UGGT2: variants seen among roughly 807,000 people sequenced by gnomAD.
The protein encoded by UGGT2 is UDP-glucose glycoprotein glucosyltransferase 2.
UGGT2 carries 180 observed loss-of-function variants against 192.1 expected under a neutral mutation model. The ratio of observed to expected loss-of-function variants is 0.94; its 90% CI spans 0.83 to 1.06. The LOEUF (loss-of-function observed/expected upper bound fraction) is 1.06. UGGT2 is among the 50% of genes least tolerant of loss of function. UGGT2 has a pLI of 0.00. For synonymous variants in UGGT2, 580 were observed against 591.0 expected (o/e 0.98, Z 0.27); for missense variants, 1,849 against 1,795.7 (o/e 1.03, Z -0.54).
At chr13:95,999,404 T>C (rs1285060089) in intron 5 of UGGT2, 97 bp from the exon 6 acceptor site, 3 of 1,085,284 alleles carry the variant, frequency 2.8e-6, no homozygotes, top group Non-Finnish European at 2.8e-6. Flanking sequence ...TAAGGGTAAA[T>C]TACTAATATT....
At position 95,912,343 on chromosome 13, in the gene UGGT2, G is replaced by A. The variant is rs368369290; in HGVS notation, c.2296-9283C>T. On this transcript the variant is annotated intron_variant, in intron 20 of 38. Coordinates refer to ENST00000376747, the MANE Select transcript of UGGT2 (RefSeq NM_020121.4). Reference sequence around the variant, plus strand: ...GATTGTATATTTAGAAAACCCCATCGTCTGAACCCAAAATATCCTTTAGCT... The same window carrying A: ...GATTGTATATTTAGAAAACCCCATCATCTGAACCCAAAATATCCTTTAGCT... Among the ~76,000 whole-genome samples, 149 of 152,244 alleles carry A rather than the reference G, an allele frequency of 9.8e-4. 5 individuals are homozygous for A. In the South Asian group the frequency reaches 0.026, roughly 27 times the overall value.
intron 38 of UGGT2, among the ~76,000 whole-genome samples, chr13:95,806,565 A>T (rs575478714): frequency 6.6e-6 from 1 of 152,236 alleles, no homozygotes; most frequent in South Asian, 2.1e-4. Context: ...CCTAAAATTC[A>T]TATGAAATCT....
intron 1 of UGGT2, among the ~76,000 whole-genome samples, chr13:96,035,127 AC>A (rs1212818347): frequency 6.6e-6 from 1 of 152,352 alleles, no homozygotes; most frequent in East Asian, 1.9e-4. Context: ...AGCAAAAAGA[AC>A]AAAGCTGGAG....
chr13:95,921,941 A>G (rs566108133), intron 20 of UGGT2, among the ~76,000 whole-genome samples: 47 of 152,314 alleles, frequency 3.1e-4, no homozygotes, highest in African/African-American at 1.1e-3. Context: ...TATCCAAAGA[A>G]AAATAAATCA....
intron 36 of UGGT2, among the ~76,000 whole-genome samples, chr13:95,848,786 T>G (rs1888727215): frequency 6.6e-6 from 1 of 152,190 alleles, no homozygotes; most frequent in African/African-American, 2.4e-5. Context: ...AACTTTAAAA[T>G]CAGTAGGTTG....
At chr13:95,981,308 CA>C (rs1261217229) in intron 10 of UGGT2, among the ~76,000 whole-genome samples, 2 of 8,742 alleles carry the variant, frequency 2.3e-4, no homozygotes, top group African/African-American at 3.1e-4. Flanking sequence ...ACTAAAAATA[CA>C]AAAAATTAGC....
chr13:95,901,948 T>C (rs2048116657), intron 21 of UGGT2, among the ~76,000 whole-genome samples: 1 of 152,158 alleles, frequency 6.6e-6, no homozygotes, highest in Admixed American at 6.6e-5. Flanking sequence ...CGTAATTTCC[T>C]TTTAACCAAG....
chr13:95,935,030 T>C lies in UGGT2; in HGVS notation c.1977+1894A>G, dbSNP rs75588111. Among the ~76,000 whole-genome samples the C allele has an allele frequency of 5.3e-5, 8 of 152,276 alleles. No homozygotes were observed. In the East Asian group the frequency reaches 1.2e-3, roughly 22 times the overall value. Reference sequence around the variant, plus strand: ...TCTATTGTTGGTTTCAAGTTTGTTTTATCTAAGAATAGCAACTCCTGGTTT... The same window carrying C: ...TCTATTGTTGGTTTCAAGTTTGTTTCATCTAAGAATAGCAACTCCTGGTTT... On this transcript the variant is annotated intron_variant, in intron 17 of 38. Transcript: ENST00000376747.
At chr13:95,897,690 A>G (rs946158570) in intron 22 of UGGT2, among the ~76,000 whole-genome samples, 7 of 152,212 alleles carry the variant, frequency 4.6e-5, no homozygotes, top group African/African-American at 1.2e-4. Context: ...CAGAGTGATA[A>G]GCTAAGTATT....
chr13:95,970,806 A>T (rs1441792429), intron 11 of UGGT2, among the ~76,000 whole-genome samples: 1 of 152,206 alleles, frequency 6.6e-6, no homozygotes, highest in African/African-American at 2.4e-5. Flanking sequence ...AAATTGGGGA[A>T]TCTAAATGTT....
At chr13:95,810,666 A>G (rs561105408) in intron 38 of UGGT2, among the ~76,000 whole-genome samples, 2 of 152,194 alleles carry the variant, frequency 1.3e-5, no homozygotes, top group Non-Finnish European at 2.9e-5. Flanking sequence ...AAATCTACAG[A>G]TAGGTGGACC....
At chr13:95,848,207 T>C (rs997530942) in intron 36 of UGGT2, among the ~76,000 whole-genome samples, 2 of 152,222 alleles carry the variant, frequency 1.3e-5, no homozygotes, top group Non-Finnish European at 2.9e-5. Context: ...ATAACACTCC[T>C]TTATCAGATG....
At chr13:95,823,356 C>A (rs1008604029) in intron 38 of UGGT2, among the ~76,000 whole-genome samples, 2 of 152,166 alleles carry the variant, frequency 1.3e-5, no homozygotes, top group South Asian at 4.1e-4. Context: ...TTAGTGCTGT[C>A]AGTGGAGTAC....
chr13:95,936,338 C>T (rs1484788106), intron 17 of UGGT2, among the ~76,000 whole-genome samples: 2 of 152,188 alleles, frequency 1.3e-5, no homozygotes, highest in Non-Finnish European at 2.9e-5. Flanking sequence ...TAGTAGATAG[C>T]CCTTATGAGT....
intron 12 of UGGT2, among the ~76,000 whole-genome samples, chr13:95,962,962 A>G (rs1325888588): frequency 2.0e-5 from 3 of 152,100 alleles, no homozygotes; most frequent in Admixed American, 6.6e-5. Context: ...TGCTCAGGGA[A>G]ACTCTCCCTT....
rs568187781 is a variant in UGGT2, at chr13:96,041,615, C to T, written c.159-9644G>A. Among the ~76,000 whole-genome samples, 3 of 152,124 alleles carry T rather than the reference C, an allele frequency of 2.0e-5. 1 individual carries two copies. The highest frequency in any genetic ancestry group is 7.2e-5 in the African/African-American group (3 of 41,496). On this transcript the variant is annotated intron_variant, in intron 1 of 38. Transcript: ENST00000376747. ...CCTGGGGCAAGTTCTCAGCCCTGCT[C>T]GCCCACCACCTAAGTTCTCAGCCCT...
intron 1 of UGGT2, among the ~76,000 whole-genome samples, chr13:96,051,242 A>G (rs552082078): frequency 9.2e-5 from 14 of 152,310 alleles, no homozygotes; most frequent in African/African-American, 3.1e-4. Flanking sequence ...ATAGAAAACC[A>G]AACACCTCAT....
chr13:95,912,870 G>A (rs1445795484), intron 20 of UGGT2, among the ~76,000 whole-genome samples: 1 of 152,168 alleles, frequency 6.6e-6, no homozygotes, highest in Non-Finnish European at 1.5e-5. Context: ...AAACAGCATG[G>A]TACTGGTACC....
At chr13:95,899,906 G>GT (rs2048053660) in intron 22 of UGGT2, among the ~76,000 whole-genome samples, 1 of 152,050 alleles carries the variant, frequency 6.6e-6, no homozygotes, top group South Asian at 2.1e-4. Flanking sequence ...GAATTCAAAA[G>GT]TAAGTGAAAA....
Sources: gnomAD v4.1 joint callset for allele counts (sites outside exome capture counted in the v4.1 genomes callset) on GRCh38, gnomAD v4.1.1 for gene constraint, MANE v1.5 for transcripts, NCBI Gene and HGNC (gene_info 2026-07-23, HGNC 2026-07-21) for gene names.